The following FBH1 variants were observed in gnomAD, a reference collection of about 807,000 sequenced individuals.
The protein encoded by FBH1 is DNA 3'-5' helicase 1.
FBH1 carries 43 observed loss-of-function variants against 115.5 expected under a neutral mutation model. The observed-to-expected ratio is 0.37, with a 90% CI of 0.29 to 0.48. FBH1 has a LOEUF of 0.48. FBH1 is among the 20% of genes least tolerant of loss of function. The pLI is 0.99. For synonymous variants in FBH1, 524 were observed against 507.8 expected, an observed-to-expected ratio of 1.03 and a Z score of -0.43; for missense variants, 1,001 against 1,337.3, an observed-to-expected ratio of 0.75 and a Z score of 3.92.
rs1843717726 is a variant in FBH1 at position 5,906,746 on chromosome 10, A to G, written c.753+114A>G. On this transcript the variant is annotated intron_variant, in intron 3 of 20. Coordinates refer to ENST00000362091, the MANE Select transcript of FBH1 (RefSeq NM_178150.3). This position sits in a 1 kb window ranked among gnomAD's most constrained non-coding sequence, Gnocchi z 7.3. The stretch of plus-strand genomic sequence containing the variant: ...AATGGTTTCCATTTGCCTTCAGAAG[A>G]CATTCAGACTCCTTAGAGGCATTTA... 4 of 854,692 alleles carry G rather than the reference A, an allele frequency of 4.7e-6. No homozygotes were observed. In the South Asian group the frequency reaches 6.9e-5, roughly 15 times the overall value. 52.9% of individuals were successfully genotyped at this position (854,692 alleles called of 1,614,324 possible).
intron 19 of FBH1, among the ~76,000 whole-genome samples, chr10:5,930,386 A>T (rs986548552): frequency 1.3e-5 from 2 of 152,176 alleles, no homozygotes; most frequent in Non-Finnish European, 1.5e-5. Flanking sequence ...GTCTCATTGC[A>T]TAAACTGGGT....
Position 5,921,467 on chromosome 10 carries a change from A to G in FBH1, c.2220A>G (p.Ala740=), listed in dbSNP as rs758564801. ...GNHQSGIRGD[A]KGQVALLSRT... is the part of the protein sequence containing the mutation. Reference sequence around the variant, plus strand: ...CTAAAGGTGGCATTAGAGGTGACGCAAAGGGGCAAGTGGCCTTGTTGTCCC... The same window carrying G: ...CTAAAGGTGGCATTAGAGGTGACGCGAAGGGGCAAGTGGCCTTGTTGTCCC... The change falls in exon 15 of 21, where the codon GCA becomes GCG. Residue 740 remains alanine (A), a synonymous_variant. Coordinates refer to ENST00000362091, the MANE Select transcript of FBH1 (RefSeq NM_178150.3). The surrounding 1 kb of genome is among the most constrained non-coding windows in gnomAD (Gnocchi z 6.4). 85 of 1,603,046 alleles carry G rather than the reference A, an allele frequency of 5.3e-5. No homozygotes were observed. The South Asian group carries it at 8.2e-4, about 15-fold the overall frequency.
Position 5,915,856 on chromosome 10 carries a change from A to G in FBH1, c.1565+285A>G. ...TTGCTTAAAGTTCAGAGTCTCACAAATCCTGATCAGTTGTAGGCTTTTCTT... is the reference window on the plus strand; with the variant it reads ...TTGCTTAAAGTTCAGAGTCTCACAAGTCCTGATCAGTTGTAGGCTTTTCTT... On this transcript the variant is annotated intron_variant, in intron 9 of 20. Transcript: ENST00000362091. The surrounding 1 kb of genome is among the most constrained non-coding windows in gnomAD (Gnocchi z 5.2). 6 of 490,570 alleles carry G rather than the reference A, an allele frequency of 1.2e-5. No individual in the cohort carries two copies. The highest frequency in any genetic ancestry group is 1.2e-4 in the South Asian group (5 of 42,466). 30.4% of individuals were successfully genotyped at this position (490,570 alleles called of 1,614,324 possible).
rs574661096 is a variant in FBH1, at chr10:5,890,738, G to T, written c.1+392G>T. On this transcript the variant is annotated intron_variant, in intron 1 of 20. Coordinates refer to ENST00000362091, the MANE Select transcript of FBH1 (RefSeq NM_178150.3). ...TTTGACCTTGGGCAAGTCATTTTTC[G>T]CTGCCCTCTGCCCCTGTGTCATCGG... is the stretch of plus-strand genomic sequence containing the variant. Among the ~76,000 whole-genome samples, 6 of 152,252 alleles carry T rather than the reference G, an allele frequency of 3.9e-5. No homozygotes were observed. In the South Asian group the frequency reaches 1.2e-3, roughly 31 times the overall value.
At position 5,925,740 on chromosome 10, in the gene FBH1, C is replaced by T. The variant is rs1453582438; in HGVS notation, c.2722+248C>T. ...GCGTGTGGGATGATGATGTTTGTGG[C>T]GGCCCTGTGAGCCCTGCACTGCCCT... On this transcript the variant is annotated intron_variant, in intron 18 of 20. Coordinates refer to ENST00000362091, the MANE Select transcript of FBH1 (RefSeq NM_178150.3). The surrounding 1 kb of genome is among the most constrained non-coding windows in gnomAD (Gnocchi z 4.6). Among the ~76,000 whole-genome samples, 2 of 152,226 alleles carry T rather than the reference C, an allele frequency of 1.3e-5. No homozygotes were observed. The highest frequency in any genetic ancestry group is 1.5e-5 in the Non-Finnish European group (1 of 68,030).
Position 5,918,240 on chromosome 10 carries a change from G to A in FBH1, c.1964-102G>A, listed in dbSNP as rs187856792. On this transcript the variant is annotated intron_variant, in intron 12 of 20. Coordinates refer to ENST00000362091, the MANE Select transcript of FBH1 (RefSeq NM_178150.3). This position sits in a 1 kb window ranked among gnomAD's most constrained non-coding sequence, Gnocchi z 4.0. ...CAGGAAAAGGCGACCGTGAGGTCCA[G>A]TGTGCCCTGGCTTAGCTTCGTGGAA... 96 of 1,443,350 alleles carry A rather than the reference G, an allele frequency of 6.7e-5. 1 individual carries two copies. In the African/African-American group the frequency reaches 9.5e-4, roughly 14 times the overall value. 89.4% of individuals were successfully genotyped at this position (1,443,350 alleles called of 1,614,324 possible).
chr10:5,898,251 T>C (rs1448286862), intron 1 of FBH1, among the ~76,000 whole-genome samples: 4 of 152,182 alleles, frequency 2.6e-5, no homozygotes, highest in Admixed American at 1.3e-4. Flanking sequence ...GCAGATTTGG[T>C]GTCTGGTGAG....
chr10:5,894,969 T>G, intron 1 of FBH1: 1 of 1,520,830 alleles, frequency 6.6e-7, no homozygotes, highest in Non-Finnish European at 8.9e-7. Flanking sequence ...TGCGAAGTGC[T>G]TCCTGGCTTG....
At position 5,914,392 on chromosome 10, in the gene FBH1, C is replaced by A; in HGVS notation, c.1396+123C>A. 2 of 795,102 alleles carry A rather than the reference C, an allele frequency of 2.5e-6. No homozygotes were observed. Among genetic ancestry groups the A allele is most frequent in the Non-Finnish European group, 4.2e-6 (2 of 475,790 alleles). The allele number at this position is 795,102 out of a possible 1,614,324, so 49.3% of individuals were successfully genotyped here. A position where few individuals can be genotyped will look rare whatever the true frequency, so the allele number is the denominator to read the frequency against. ...TGTCATCCAACTAATAATTCAATAA[C>A]AGATCAAATAATCAATCTCAAAAGC... On this transcript the variant is annotated intron_variant, in intron 8 of 20. Coordinates refer to ENST00000362091, the MANE Select transcript of FBH1 (RefSeq NM_178150.3). This position sits in a 1 kb window ranked among gnomAD's most constrained non-coding sequence, Gnocchi z 5.2.
intron 18 of FBH1, 27 bp from the exon 19 acceptor site, chr10:5,927,408 G>T: frequency 6.5e-7 from 1 of 1,547,786 alleles, no homozygotes; most frequent in Non-Finnish European, 8.8e-7. Flanking sequence ...CTTTTTAGTT[G>T]ATTTTTTTCC....
chr10:5,910,826 C>G lies in FBH1; in HGVS notation c.1021-112C>G, dbSNP rs1831538129. On this transcript the variant is annotated intron_variant, in intron 5 of 20. Coordinates refer to ENST00000362091, the MANE Select transcript of FBH1 (RefSeq NM_178150.3). This position sits in a 1 kb window ranked among gnomAD's most constrained non-coding sequence, Gnocchi z 4.8. Reference sequence around the variant, plus strand: ...AAAGTTTGGATTCAGTCCAGACAGTCTGTAGCCAGCAGCTGGACCCGTGGC... The same window carrying G: ...AAAGTTTGGATTCAGTCCAGACAGTGTGTAGCCAGCAGCTGGACCCGTGGC... The G allele has an allele frequency of 4.5e-6, 4 of 895,508 alleles. 1 individual carries two copies. The East Asian group carries it at 7.8e-5, about 17-fold the overall frequency. The allele number at this position is 895,508 out of a possible 1,614,324, so 55.5% of individuals were successfully genotyped here.
Position 5,927,467 on chromosome 10 carries a change from T to C in FBH1, c.2755T>C (p.Tyr919His). The change falls in exon 19 of 21, where the codon TAT becomes CAT. Residue 919 changes from tyrosine (Y) to histidine (H), a missense_variant. Around this residue, in one of 4 missense-constraint regions of FBH1, gnomAD observed 521 missense variants for 811.0 expected, o/e 0.64. Coordinates refer to ENST00000362091, the MANE Select transcript of FBH1 (RefSeq NM_178150.3). ...TTCTGAGGATGAATGGAATTTACTG[T>C]ATGTTGCAGTAACTCGAGCCAAGAA... ...SFSEDEWNLL[Y>H]VAVTRAKKRL... The C allele has an allele frequency of 6.2e-7, 1 of 1,613,196 alleles. No individual in the cohort carries two copies. The highest frequency in any genetic ancestry group is 1.7e-4 in the Middle Eastern group (1 of 6,060).
chr10:5,911,000 C>T lies in FBH1; in HGVS notation c.1083C>T (p.Ile361=). The T allele has an allele frequency of 1.2e-6, 2 of 1,612,652 alleles. No homozygotes were observed. Among genetic ancestry groups the T allele is most frequent in the Non-Finnish European group, 1.7e-6 (2 of 1,180,016 alleles). ...TCCTCTCCAGCAGTGTGAATGACAT[C>T]CAGCGACTGCTCTTCTGCCTCCGGA... The part of the protein sequence containing the change: ...VVLLSSSVND[I]QRLLFCLRRP... Residue 361 remains isoleucine (I), a synonymous_variant, in exon 6 of 21, where the codon ATC becomes ATT. Transcript: ENST00000362091. The surrounding 1 kb of genome is among the most constrained non-coding windows in gnomAD (Gnocchi z 4.8).
At chr10:5,908,821 T>C in intron 3 of FBH1, 104 bp from the exon 4 acceptor site, 1 of 1,289,756 alleles carries the variant, frequency 7.8e-7, no homozygotes, top group East Asian at 2.3e-5. Context: ...ATGTTGGCCA[T>C]GCTAGTCTCA....
rs1285228713 is a variant in FBH1, at chr10:5,923,489, A to G, written c.2323-132A>G. The G allele has an allele frequency of 7.2e-6, 5 of 697,008 alleles. No homozygotes were observed. The East Asian group carries it at 8.5e-5, about 12-fold the overall frequency. The allele number at this position is 697,008 out of a possible 1,614,324, so 43.2% of individuals were successfully genotyped here. A position where few individuals can be genotyped will look rare whatever the true frequency, so the allele number is the denominator to read the frequency against. ...GTGCTTTGGGTGTCACTCAAGATCC[A>G]TTTCCAAGAAACCATCTCATTTCAA... On this transcript the variant is annotated intron_variant, in intron 15 of 20. Coordinates refer to ENST00000362091, the MANE Select transcript of FBH1 (RefSeq NM_178150.3). This position sits in a 1 kb window ranked among gnomAD's most constrained non-coding sequence, Gnocchi z 5.7.
chr10:5,917,474 T>A lies in FBH1; in HGVS notation c.1843T>A (p.Cys615Ser). The A allele has an allele frequency of 6.2e-7, 1 of 1,613,712 alleles. No homozygotes were observed. Among genetic ancestry groups the A allele is most frequent in the Non-Finnish European group, 8.5e-7 (1 of 1,179,954 alleles). Residue 615 changes from cysteine (C) to serine (S), a missense_variant, in exon 11 of 21, where the codon TGC becomes AGC. By Grantham distance (112) the Cys-to-Ser change is moderately radical. This residue lies in a region of FBH1 where 521 missense variants were observed against 811.0 expected (regional missense o/e 0.64). Transcript: ENST00000362091. This position sits in a 1 kb window ranked among gnomAD's most constrained non-coding sequence, Gnocchi z 5.6. ...GGATAACATGCGGAAGCTGGGGGAG[T>A]GCACAGAAGAGGCGCACCAGATGAC... ...LWDNMRKLGE[C>S]TEEAHQMTHD...
intron 3 of FBH1, among the ~76,000 whole-genome samples, chr10:5,908,634 C>T (rs1164362249): frequency 6.6e-6 from 1 of 151,050 alleles, no homozygotes; most frequent in African/African-American, 2.4e-5. Flanking sequence ...TGGAGTCTCA[C>T]TCTGTCACCC....
chr10:5,912,987 TG>T (rs1831697605), intron 6 of FBH1, among the ~76,000 whole-genome samples: 1 of 152,154 alleles, frequency 6.6e-6, no homozygotes, highest in Admixed American at 6.5e-5. Flanking sequence ...GGCTTGGAGA[TG>T]GGCTCTTTTC....
At chr10:5,920,715 G>A (rs1832259673) in intron 13 of FBH1, among the ~76,000 whole-genome samples, 1 of 152,238 alleles carries the variant, frequency 6.6e-6, no homozygotes, top group East Asian at 1.9e-4. Flanking sequence ...GAAAAAGGCT[G>A]TACACACCCC....
Sources: gnomAD v4.1 joint callset for allele counts (sites outside exome capture counted in the v4.1 genomes callset) on GRCh38, gnomAD v4.1.1 for gene constraint, gnomAD v4.1.1 regional missense constraint, Gnocchi (gnomAD v3.1) non-coding constraint, MANE v1.5 for transcripts, NCBI Gene and HGNC (gene_info 2026-07-23, HGNC 2026-07-21) for gene names.